VWA8: variants seen among roughly 807,000 people sequenced by gnomAD.
The protein encoded by VWA8 is von Willebrand factor A domain containing 8.
In VWA8, 221 loss-of-function variants were observed where a neutral mutation model predicts 241.5. The ratio of observed to expected loss-of-function variants is 0.91; its 90% CI spans 0.82 to 1.02. The LOEUF is 1.02. Ranked by LOEUF, VWA8 falls within the 50% of genes least tolerant of loss-of-function variation. The probability of loss-of-function intolerance (pLI) is 0.00; values close to 1 mark genes in which losing one functional copy is unlikely to be tolerated. For missense variants in VWA8, 2,322 were observed against 2,328.7 expected (o/e 1.00, Z 0.06); for synonymous variants, 852 against 827.1 (o/e 1.03, Z -0.52).
chr13:41,761,441 A>G (rs2045739292), intron 20 of VWA8, among the ~76,000 whole-genome samples: 1 of 152,110 alleles, frequency 6.6e-6, no homozygotes, highest in South Asian at 2.1e-4. Flanking sequence ...AAGGAAATCC[A>G]TAAATTAGCC....
intron 12 of VWA8, among the ~76,000 whole-genome samples, chr13:41,843,844 T>TA (rs923985798): frequency 1.6e-4 from 25 of 152,040 alleles, no homozygotes; most frequent in African/African-American, 5.8e-4. Context: ...GAATCAGTAA[T>TA]AAAAAACTTA....
intron 9 of VWA8, among the ~76,000 whole-genome samples, chr13:41,872,794 T>A (rs1037746580): frequency 6.6e-6 from 1 of 152,198 alleles, no homozygotes; most frequent in Non-Finnish European, 1.5e-5. Context: ...ATGTGGGCCC[T>A]TTTTTGGTTC....
At position 41,689,370 on chromosome 13, in the gene VWA8, C is replaced by T. The variant is rs1331414796; in HGVS notation, c.4115G>A (p.Gly1372Asp). 6.2e-7 allele frequency: 1 copy of T among 1,608,512 alleles called. No individual in the cohort carries two copies. The highest frequency in any genetic ancestry group is 1.1e-5 in the South Asian group (1 of 90,108). The change falls in exon 34 of 45, where the codon GGT (glycine) becomes GAT (aspartate). Residue 1372 changes from glycine to aspartate, a missense_variant. Physicochemically the swap from Gly to Asp is moderately conservative, Grantham distance 94. Transcript: ENST00000379310. ...GGTGCTTACCATGAGATCTGGAAAACCAACAACTATTGTAGCATAATTTTT... is the reference window on the plus strand; with the variant it reads ...GGTGCTTACCATGAGATCTGGAAAATCAACAACTATTGTAGCATAATTTTT... The part of the protein sequence containing the change: ...DEKNYATIVV[G>D]FPDLMSPSEV...
Position 41,960,866 on chromosome 13 carries a change from C to T in VWA8, c.150G>A (p.Ser50=). Residue 50 remains serine (S), a synonymous_variant, in exon 1 of 45, where the codon TCG becomes TCA. Transcript: ENST00000379310. ...ACCCCGAGTTACCTGTGTCGGCCCC[C>T]GAGCCGGCGTGCAACAGTCTGACCT... ...RPEVRLLHAG[S]GADTGDTVNI... The T allele has an allele frequency of 1.3e-6, 2 of 1,518,342 alleles. No individual in the cohort carries two copies. Among genetic ancestry groups the T allele is most frequent in the Admixed American group, 2.0e-5 (1 of 49,890 alleles). 94.1% of individuals were successfully genotyped at this position (1,518,342 alleles called of 1,614,324 possible).
chr13:41,939,015 T>C (rs965087670), intron 2 of VWA8, among the ~76,000 whole-genome samples: 1 of 152,234 alleles, frequency 6.6e-6, no homozygotes, highest in Non-Finnish European at 1.5e-5. Context: ...GTGGATTTTA[T>C]GTCAAAACTC....
chr13:41,715,491 A>G (rs2045342812), intron 26 of VWA8, among the ~76,000 whole-genome samples: 1 of 152,046 alleles, frequency 6.6e-6, no homozygotes, highest in Non-Finnish European at 1.5e-5. Context: ...AGCAGATTTC[A>G]TAAATTATTC....
At chr13:41,781,352 G>T (rs755096502) in intron 19 of VWA8, among the ~76,000 whole-genome samples, 4 of 152,052 alleles carry the variant, frequency 2.6e-5, no homozygotes, top group African/African-American at 4.8e-5. Flanking sequence ...GCTAATGCTA[G>T]TCTCGTTGCC....
intron 17 of VWA8, among the ~76,000 whole-genome samples, chr13:41,802,951 C>T (rs1870022261): frequency 6.6e-6 from 1 of 152,240 alleles, no homozygotes; most frequent in Admixed American, 6.5e-5. Context: ...CAACTCCAGA[C>T]AGCTGAGCAT....
chr13:41,755,592 A>T (rs1241232030), intron 21 of VWA8, among the ~76,000 whole-genome samples: 2 of 151,976 alleles, frequency 1.3e-5, no homozygotes, highest in African/African-American at 4.8e-5. Context: ...ATAAATCAGC[A>T]GCATGCAACT....
chr13:41,870,274 T>C (rs1235593555), intron 9 of VWA8, among the ~76,000 whole-genome samples: 2 of 150,674 alleles, frequency 1.3e-5, no homozygotes, highest in Admixed American at 1.3e-4. Flanking sequence ...AAAAAAAAAG[T>C]TCCACTGTAT....
intron 37 of VWA8, among the ~76,000 whole-genome samples, chr13:41,663,977 A>C (rs1354592240): frequency 6.6e-6 from 1 of 151,766 alleles, no homozygotes; most frequent in Non-Finnish European, 1.5e-5. Context: ...TGAGGTATTC[A>C]GCACTTTATT....
chr13:41,886,534 A>G (rs190056401), intron 7 of VWA8, among the ~76,000 whole-genome samples: 1 of 152,332 alleles, frequency 6.6e-6, no homozygotes, highest in East Asian at 1.9e-4. Flanking sequence ...ATGCCCCCAA[A>G]TATTTTCAAA....
intron 34 of VWA8, among the ~76,000 whole-genome samples, chr13:41,689,153 G>A (rs923751430): frequency 3.3e-5 from 5 of 151,970 alleles, no homozygotes; most frequent in African/African-American, 9.7e-5. Context: ...ATTGCATTAC[G>A]CTTTCAATGT....
chr13:41,956,489 G>A (rs1329431135), intron 1 of VWA8, among the ~76,000 whole-genome samples: 2 of 152,052 alleles, frequency 1.3e-5, no homozygotes, highest in African/African-American at 4.8e-5. Flanking sequence ...TACACAATGG[G>A]GTCAGAATAT....
At chr13:41,789,846 A>G (rs1869374654) in intron 17 of VWA8, among the ~76,000 whole-genome samples, 1 of 152,188 alleles carries the variant, frequency 6.6e-6, no homozygotes, top group African/African-American at 2.4e-5. Context: ...TAAATCTTAA[A>G]TTTCCAAATA....
In VWA8 at chr13:41,701,496, A is replaced by T. The variant is rs776780603; in HGVS notation, c.3260T>A (p.Ile1087Lys). 2 of 1,611,718 alleles carry T rather than the reference A, an allele frequency of 1.2e-6. No homozygotes were observed. Among genetic ancestry groups the T allele is most frequent in the African/African-American group, 2.7e-5 (2 of 74,944 alleles). ...PALINIQEYP[I>K]ERHEERSLNF... is the part of the protein sequence containing the mutation. ...TAGGGATCTTTCTTCATGTCTTTCT[A>T]TTGGATACTCCTGTATATTTATAAG... The change falls in exon 28 of 45, where the codon ATA (isoleucine) becomes AAA (lysine). Residue 1087 changes from isoleucine (I) to lysine (K), a missense_variant. Transcript: ENST00000379310.
chr13:41,784,743 T>C (rs1264381342), intron 18 of VWA8, among the ~76,000 whole-genome samples: 1,067 of 94,894 alleles, frequency 0.011, 31 homozygotes, highest in African/African-American at 0.034. Flanking sequence ...CACACATATA[T>C]ATATATATAT....
chr13:41,586,553 G>A (rs2044419383), intron 42 of VWA8, among the ~76,000 whole-genome samples: 2 of 138,156 alleles, frequency 1.4e-5, no homozygotes, highest in Non-Finnish European at 3.0e-5. Context: ...GGGGCTCTGG[G>A]AAATTCAGGG....
At chr13:41,922,906 A>G (rs536035957) in intron 2 of VWA8, among the ~76,000 whole-genome samples, 1 of 152,344 alleles carries the variant, frequency 6.6e-6, no homozygotes, top group African/African-American at 2.4e-5. Flanking sequence ...AACTAGAAAT[A>G]TGATTTGACC....
Sources: allele counts gnomAD v4.1 joint callset (sites outside exome capture counted in the v4.1 genomes callset), GRCh38; gene constraint gnomAD v4.1.1; transcripts MANE v1.5; gene names NCBI Gene and HGNC (gene_info 2026-07-23, HGNC 2026-07-21).